The following PARD3 variants were observed in gnomAD, a reference collection of about 807,000 sequenced individuals.
The protein encoded by PARD3 is partitioning defective 3 homolog.
PARD3 carries 75 observed loss-of-function variants against 155.4 expected under a neutral mutation model. That is an observed-to-expected ratio of 0.48 (90% confidence interval 0.40 to 0.58). PARD3 has a LOEUF of 0.58. PARD3 is among the 20% of genes least tolerant of loss of function. The pLI is 0.00. For synonymous variants in PARD3, 576 were observed against 610.5 expected, an observed-to-expected ratio of 0.94 and a Z score of 0.83; for missense variants, 1,642 against 1,721.7, an observed-to-expected ratio of 0.95 and a Z score of 0.82.
chr10:34,564,329 T>C (rs980974516), intron 2 of PARD3, among the ~76,000 whole-genome samples: 2 of 152,238 alleles, frequency 1.3e-5, no homozygotes, highest in Non-Finnish European at 2.9e-5. Context: ...CAAGGCTGGC[T>C]AACTCACTAT....
At chr10:34,580,635 C>T (rs528853056) in intron 2 of PARD3, among the ~76,000 whole-genome samples, 1 of 152,334 alleles carries the variant, frequency 6.6e-6, no homozygotes, top group African/African-American at 2.4e-5. Flanking sequence ...ATAGTTTTTA[C>T]TAATCCTGGC....
chr10:34,609,055 C>T (rs1035976801), intron 2 of PARD3, among the ~76,000 whole-genome samples: 3 of 152,112 alleles, frequency 2.0e-5, no homozygotes, highest in African/African-American at 7.2e-5. Context: ...AGGCCCAGAA[C>T]ATTTAAAAAA....
At chr10:34,318,341 G>C (rs985973601) in intron 19 of PARD3, among the ~76,000 whole-genome samples, 2 of 152,174 alleles carry the variant, frequency 1.3e-5, no homozygotes, top group African/African-American at 4.8e-5. Flanking sequence ...GAGAATTATA[G>C]GGGGCCATAA....
Position 34,115,313 on chromosome 10 carries a change from G to A in PARD3, c.3669-3751C>T, listed in dbSNP as rs1393270737. Among the ~76,000 whole-genome samples the A allele has an allele frequency of 3.3e-5, 5 of 152,082 alleles. No homozygotes were observed. In the East Asian group the frequency reaches 9.6e-4, roughly 29 times the overall value. ...GGGAGAAAGATGAAGAAGAAATGGA[G>A]AGGCAGGAAAAGAAAATGAAGGGAA... On this transcript the variant is annotated intron_variant, in intron 24 of 24. Coordinates refer to ENST00000374788, the MANE Select transcript of PARD3 (RefSeq NM_001184785.2).
intron 20 of PARD3, among the ~76,000 whole-genome samples, chr10:34,310,042 C>A (rs1021107438): frequency 1.1e-4 from 16 of 152,024 alleles, no homozygotes; most frequent in Admixed American, 5.2e-4. Flanking sequence ...ATTCAACGCT[C>A]AATTAGGAAA....
chr10:34,780,196 T>C (rs1840081394), intron 1 of PARD3, among the ~76,000 whole-genome samples: 1 of 152,228 alleles, frequency 6.6e-6, no homozygotes, highest in Admixed American at 6.5e-5. Context: ...TTGACACAAC[T>C]AACTTCACAA....
At chr10:34,563,750 C>T (rs1182050593) in intron 2 of PARD3, among the ~76,000 whole-genome samples, 3 of 152,156 alleles carry the variant, frequency 2.0e-5, no homozygotes, top group Middle Eastern at 3.4e-3. Context: ...AGGATGGTCT[C>T]GATCTCTTGA....
intron 1 of PARD3, among the ~76,000 whole-genome samples, chr10:34,726,088 G>A (rs902177814): frequency 3.3e-5 from 5 of 152,140 alleles, no homozygotes; most frequent in Non-Finnish European, 5.9e-5. Flanking sequence ...ATCAACAGAT[G>A]CCATATAACT....
At chr10:34,515,815 T>C (rs1176035486) in intron 3 of PARD3, among the ~76,000 whole-genome samples, 5 of 151,952 alleles carry the variant, frequency 3.3e-5, no homozygotes, top group Non-Finnish European at 2.9e-5. Context: ...ATTCTGTATC[T>C]TAATTATATA....
At chr10:34,257,739 T>C (rs2133783839) in intron 22 of PARD3, among the ~76,000 whole-genome samples, 1 of 152,350 alleles carries the variant, frequency 6.6e-6, no homozygotes, top group South Asian at 2.1e-4. Context: ...CAACCCCCAT[T>C]ACACATTACT....
intron 7 of PARD3, among the ~76,000 whole-genome samples, chr10:34,384,571 T>C (rs1052847296): frequency 6.6e-6 from 1 of 152,150 alleles, no homozygotes. Flanking sequence ...TATTGCAGTG[T>C]GGAGGATGGA....
chr10:34,763,735 G>A (rs1386305899), intron 1 of PARD3, among the ~76,000 whole-genome samples: 3 of 152,024 alleles, frequency 2.0e-5, no homozygotes, highest in Non-Finnish European at 4.4e-5. Flanking sequence ...CAGGAGAGAC[G>A]GCATGTGGGT....
chr10:34,459,660 T>C (rs180960962), intron 4 of PARD3, among the ~76,000 whole-genome samples: 2 of 152,202 alleles, frequency 1.3e-5, no homozygotes, highest in Non-Finnish European at 2.9e-5. Flanking sequence ...TACAGTCTTA[T>C]ACATTATTTA....
chr10:34,527,324 A>G (rs1007115049), intron 2 of PARD3, among the ~76,000 whole-genome samples: 1 of 152,152 alleles, frequency 6.6e-6, no homozygotes, highest in Admixed American at 6.6e-5. Context: ...TGTATAGGGG[A>G]CTCACTTGGG....
intron 2 of PARD3, among the ~76,000 whole-genome samples, chr10:34,518,627 T>C (rs1429756049): frequency 6.6e-6 from 1 of 152,202 alleles, no homozygotes; most frequent in Non-Finnish European, 1.5e-5. Flanking sequence ...TCCATAATGA[T>C]ATAAATAATT....
chr10:34,440,521 G>A (rs1294447130), intron 5 of PARD3, among the ~76,000 whole-genome samples: 1 of 152,088 alleles, frequency 6.6e-6, no homozygotes, highest in African/African-American at 2.4e-5. Flanking sequence ...TCTCCGTAGT[G>A]CAAGCTCTAA....
In PARD3 at chr10:34,721,355, G is replaced by A. The variant is rs57185069; in HGVS notation, c.121-24936C>T. On this transcript the variant is annotated intron_variant, in intron 1 of 24. Coordinates refer to ENST00000374788, the MANE Select transcript of PARD3 (RefSeq NM_001184785.2). ...AAAAGAGTTGTGGAGCGAACAGGGC[G>A]TAAAGTAAGCTATGTGAAAAGAAGA... is the stretch of plus-strand genomic sequence containing the variant. 8.7e-3 allele frequency among the ~76,000 whole-genome samples: 1,321 copies of A among 152,300 alleles called. 23 individuals are homozygous for A. Among genetic ancestry groups the A allele is most frequent in the African/African-American group, 0.03 (1,262 of 41,568 alleles).
intron 2 of PARD3, among the ~76,000 whole-genome samples, chr10:34,616,930 C>CAA (rs1171920434): frequency 0.015 from 1,298 of 89,270 alleles, 29 homozygotes; most frequent in African/African-American, 0.043. Flanking sequence ...GCACCTGTCT[C>CAA]AAAAAAAAAA....
chr10:34,787,621 G>C (rs1298739224), intron 1 of PARD3, among the ~76,000 whole-genome samples: 1 of 152,164 alleles, frequency 6.6e-6, no homozygotes, highest in African/African-American at 2.4e-5. Context: ...GTTAAAGATG[G>C]AAGCAATCCC....
Sources: allele counts gnomAD v4.1 joint callset (sites outside exome capture counted in the v4.1 genomes callset), GRCh38; gene constraint gnomAD v4.1.1; transcripts MANE v1.5; gene names NCBI Gene and HGNC (gene_info 2026-07-23, HGNC 2026-07-21).